SCFD2: variants seen among roughly 807,000 people sequenced by gnomAD.
SCFD2 encodes the protein sec1 family domain containing 2.
Under a neutral mutation model 58.9 loss-of-function variants are expected in SCFD2, and 54 were observed. That is an observed-to-expected ratio of 0.92 (90% CI 0.74 to 1.15). The LOEUF (loss-of-function observed/expected upper bound fraction) is 1.15. Among genes scored for constraint, SCFD2 ranks in the 50% most tolerant of loss-of-function variants. The pLI is 0.00. For synonymous variants in SCFD2, 321 were observed against 335.9 expected (o/e 0.96, Z 0.49); for missense variants, 805 against 836.6 (o/e 0.96, Z 0.47).
chr4:53,205,266 A>G (rs1237492762), intron 4 of SCFD2, among the ~76,000 whole-genome samples: 2 of 152,104 alleles, frequency 1.3e-5, no homozygotes, highest in African/African-American at 4.8e-5. Context: ...GAAAGCTATC[A>G]TTGCCACTGT....
At chr4:53,094,078 G>C (rs1305737397) in intron 5 of SCFD2, among the ~76,000 whole-genome samples, 1 of 152,150 alleles carries the variant, frequency 6.6e-6, no homozygotes, top group Admixed American at 6.6e-5. Flanking sequence ...TCCAGCATTA[G>C]TAGGGGTATA....
At chr4:53,251,456 T>C (rs1730376492) in intron 4 of SCFD2, among the ~76,000 whole-genome samples, 1 of 152,038 alleles carries the variant, frequency 6.6e-6, no homozygotes, top group Admixed American at 6.5e-5. Flanking sequence ...ACCAATATCC[T>C]TGATGAACAT....
At chr4:53,229,849 A>T (rs1729371246) in intron 4 of SCFD2, among the ~76,000 whole-genome samples, 1 of 152,238 alleles carries the variant, frequency 6.6e-6, no homozygotes, top group Admixed American at 6.5e-5. Flanking sequence ...ACAGAATGGG[A>T]GAAAATTTTT....
chr4:53,202,893 C>T (rs541386037), intron 4 of SCFD2, among the ~76,000 whole-genome samples: 30 of 152,308 alleles, frequency 2.0e-4, no homozygotes, highest in Non-Finnish European at 3.5e-4. Flanking sequence ...TGAGACTTTG[C>T]TGAAGTTGCC....
intron 4 of SCFD2, among the ~76,000 whole-genome samples, chr4:53,178,174 C>A (rs1727406993): frequency 6.6e-6 from 1 of 151,796 alleles, no homozygotes; most frequent in African/African-American, 2.4e-5. Context: ...GTTCTCCCGT[C>A]ATGCCTGAGA....
At chr4:53,329,970 C>T (rs937874884) in intron 2 of SCFD2, among the ~76,000 whole-genome samples, 8 of 150,980 alleles carry the variant, frequency 5.3e-5, no homozygotes, top group African/African-American at 9.8e-5. Context: ...GGAGCTGATG[C>T]GATCAACTGG....
At chr4:53,007,305 G>GGAGAGGGAGA (rs1553913999) in intron 5 of SCFD2, among the ~76,000 whole-genome samples, 2 of 66,072 alleles carry the variant, frequency 3.0e-5, no homozygotes, top group African/African-American at 1.2e-4. Context: ...AGAGGGAGAG[G>GGAGAGGGAGA]GAGAGAGAGA....
chr4:52,986,036 G>A (rs959398537), intron 5 of SCFD2, among the ~76,000 whole-genome samples: 1 of 151,980 alleles, frequency 6.6e-6, no homozygotes, highest in African/African-American at 2.4e-5. Context: ...TTTTGCACCT[G>A]TCCCCCTGTG....
intron 7 of SCFD2, among the ~76,000 whole-genome samples, chr4:52,897,351 G>C (rs1374182487): frequency 2.0e-5 from 3 of 152,196 alleles, no homozygotes; most frequent in African/African-American, 7.2e-5. Flanking sequence ...AATTTATTGA[G>C]AGCTTTTAGT....
chr4:53,194,499 T>G (rs1362627367), intron 4 of SCFD2, among the ~76,000 whole-genome samples: 1 of 152,192 alleles, frequency 6.6e-6, no homozygotes, highest in East Asian at 1.9e-4. Flanking sequence ...ACATATATTC[T>G]TTTCTTCATA....
chr4:52,998,616 C>T (rs557173095), intron 5 of SCFD2, among the ~76,000 whole-genome samples: 1 of 152,308 alleles, frequency 6.6e-6, no homozygotes, highest in East Asian at 1.9e-4. Context: ...TGTGGAGCCA[C>T]ACTTCTTTGT....
chr4:53,320,109 A>G (rs1732982723), intron 2 of SCFD2, among the ~76,000 whole-genome samples: 1 of 152,256 alleles, frequency 6.6e-6, no homozygotes, highest in Non-Finnish European at 1.5e-5. Context: ...GATAAGTATC[A>G]TTGGACCCCA....
chr4:52,962,016 T>G (rs566776925), intron 5 of SCFD2, among the ~76,000 whole-genome samples: 1 of 152,342 alleles, frequency 6.6e-6, no homozygotes, highest in East Asian at 1.9e-4. Flanking sequence ...AGAGAAGATG[T>G]TGAGTCCCTG....
chr4:53,182,478 C>T (rs1727601658), intron 4 of SCFD2, among the ~76,000 whole-genome samples: 1 of 152,180 alleles, frequency 6.6e-6, no homozygotes, highest in Admixed American at 6.5e-5. Context: ...GGATCCCTTC[C>T]TTACACCTTA....
chr4:53,202,504 T>A (rs1728279741), intron 4 of SCFD2, among the ~76,000 whole-genome samples: 1 of 151,088 alleles, frequency 6.6e-6, no homozygotes, highest in African/African-American at 2.4e-5. Context: ...GACTTGGCAA[T>A]GCAGGCTCTT....
intron 7 of SCFD2, among the ~76,000 whole-genome samples, chr4:52,901,474 T>C (rs1011861757): frequency 6.6e-6 from 1 of 152,186 alleles, no homozygotes; most frequent in Non-Finnish European, 1.5e-5. Flanking sequence ...TGCTGGCCCT[T>C]GGAATGCAGC....
intron 5 of SCFD2, among the ~76,000 whole-genome samples, chr4:53,059,474 G>T (rs1723442502): frequency 6.6e-6 from 1 of 152,110 alleles, no homozygotes; most frequent in East Asian, 1.9e-4. Context: ...GTGCCAAATA[G>T]CCCAGCCGGA....
rs1479547332 is a variant in SCFD2, at chr4:53,300,459, G to A, written c.1135+13177C>T. 2.6e-5 allele frequency among the ~76,000 whole-genome samples: 4 copies of A among 152,250 alleles called. No individual in the cohort carries two copies. The East Asian group carries it at 7.7e-4, about 29-fold the overall frequency. On this transcript the variant is annotated intron_variant, in intron 3 of 8. Transcript: ENST00000401642. The stretch of plus-strand genomic sequence containing the variant: ...CCCAGATTCATAAAGCAAGTCCTTA[G>A]AGACCTACAAAGAGACTTAGACTCC...
In SCFD2 at chr4:53,028,840, T is replaced by C. The variant is rs559828582; in HGVS notation, c.1562-107970A>G. Among the ~76,000 whole-genome samples, 4 of 152,330 alleles carry C rather than the reference T, an allele frequency of 2.6e-5. No individual in the cohort carries two copies. In the South Asian group the frequency reaches 6.2e-4, roughly 24 times the overall value. On this transcript the variant is annotated intron_variant, in intron 5 of 8. Coordinates refer to ENST00000401642, the MANE Select transcript of SCFD2 (RefSeq NM_152540.4). ...CCACAAAGCTGAATCAGTTACTTGA[T>C]GAAATGTTCTCAGGACTTTTGAAGG... is the stretch of plus-strand genomic sequence containing the variant.
Sources: gnomAD v4.1 joint callset for allele counts (sites outside exome capture counted in the v4.1 genomes callset) on GRCh38, gnomAD v4.1.1 for gene constraint, MANE v1.5 for transcripts, NCBI Gene and HGNC (gene_info 2026-07-23, HGNC 2026-07-21) for gene names.